The following FGD5 variants were observed in gnomAD, a reference collection of about 807,000 sequenced individuals.
FGD5 encodes the protein FYVE, RhoGEF and PH domain containing 5, also known as FYVE, RhoGEF and PH domain-containing protein 5.
In FGD5, 28 loss-of-function variants were observed where a neutral mutation model predicts 133.4. The observed-to-expected ratio is 0.21, with a 90% CI of 0.16 to 0.29. The LOEUF (loss-of-function observed/expected upper bound fraction) is 0.29, where lower values mean the gene tolerates loss of function less well. Ranked by LOEUF, FGD5 falls within the 10% of genes least tolerant of loss-of-function variation. The probability of loss-of-function intolerance (pLI) is 1.00; values close to 1 mark genes in which losing one functional copy is unlikely to be tolerated. For missense variants in FGD5, 1,858 were observed against 1,895.2 expected (o/e 0.98, Z 0.36); for synonymous variants, 810 against 776.5 (o/e 1.04, Z -0.72).
chr3:14,928,218 C>T (rs1455936966), intron 18 of FGD5, among the ~76,000 whole-genome samples: 1 of 148,630 alleles, frequency 6.7e-6, no homozygotes, highest in South Asian at 2.2e-4. Context: ...GGATTACAGG[C>T]GTGAGCCACC....
intron 10 of FGD5, 63 bp downstream of exon 10, chr3:14,907,774 TG>T: frequency 2.6e-6 from 4 of 1,531,586 alleles, no homozygotes; most frequent in Non-Finnish European, 2.7e-6. Context: ...TAAGCCCCAT[TG>T]TTCACTGGGC....
chr3:14,849,264 C>G (rs572917592), intron 1 of FGD5, among the ~76,000 whole-genome samples: 3 of 152,344 alleles, frequency 2.0e-5, no homozygotes, highest in African/African-American at 7.2e-5. Context: ...CCCACCTGCC[C>G]TACAGGTGCT....
chr3:14,845,591 C>T (rs190525690), intron 1 of FGD5, among the ~76,000 whole-genome samples: 3 of 152,246 alleles, frequency 2.0e-5, no homozygotes, highest in South Asian at 2.1e-4. Context: ...TAGCAAGACT[C>T]CATCTACTGA....
At chr3:14,827,362 C>T (rs770366949) in intron 1 of FGD5, among the ~76,000 whole-genome samples, 1 of 149,286 alleles carries the variant, frequency 6.7e-6, no homozygotes, top group Non-Finnish European at 1.5e-5. Context: ...GATCTCGGCT[C>T]ACTGCAAGCT....
chr3:14,873,418 G>A (rs142566550), intron 2 of FGD5, among the ~76,000 whole-genome samples: 189 of 152,320 alleles, frequency 1.2e-3, no homozygotes, highest in African/African-American at 4.0e-3. Context: ...AGAGCAGGAC[G>A]TAGTTAAGTA....
intron 4 of FGD5, among the ~76,000 whole-genome samples, chr3:14,894,076 T>G (rs1385704547): frequency 1.3e-5 from 2 of 152,108 alleles, no homozygotes; most frequent in Non-Finnish European, 2.9e-5. Context: ...TTTATCACAA[T>G]GTATATCTGC....
chr3:14,834,369 T>C (rs2036774837), intron 1 of FGD5, among the ~76,000 whole-genome samples: 1 of 152,220 alleles, frequency 6.6e-6, no homozygotes, highest in South Asian at 2.1e-4. Context: ...GAAATGACAC[T>C]AGATAGCTAC....
rs968475151 is a variant in FGD5, at chr3:14,925,187, G to T, written c.4069-883G>T. On this transcript the variant is annotated intron_variant, in intron 17 of 19. Coordinates refer to ENST00000285046, the MANE Select transcript of FGD5 (RefSeq NM_152536.4). ...TACAAAACAGCACATATGATGAAAA[G>T]TGAGTTTCTCATCCTTCCCAGCCTC... Among the ~76,000 whole-genome samples the T allele has an allele frequency of 3.4e-5, 5 of 148,956 alleles. No homozygotes were observed. In the East Asian group the frequency reaches 9.9e-4, roughly 29 times the overall value.
At chr3:14,841,436 C>G (rs1575201090) in intron 1 of FGD5, among the ~76,000 whole-genome samples, 1 of 152,040 alleles carries the variant, frequency 6.6e-6, no homozygotes, top group East Asian at 1.9e-4. Context: ...GCTGCCCTGT[C>G]CTGGTTTGTA....
intron 2 of FGD5, among the ~76,000 whole-genome samples, chr3:14,866,762 G>T (rs545447076): frequency 6.6e-5 from 10 of 152,212 alleles, no homozygotes; most frequent in Non-Finnish European, 1.2e-4. Flanking sequence ...AAGTTCAGCC[G>T]GGACTCAGCA....
intron 4 of FGD5, among the ~76,000 whole-genome samples, chr3:14,886,226 C>A (rs557821820): frequency 6.6e-6 from 1 of 152,304 alleles, no homozygotes; most frequent in Non-Finnish European, 1.5e-5. Context: ...AGCAACAGGT[C>A]ATGTCTCCCA....
chr3:14,923,790 G>A (rs1220028175), intron 16 of FGD5, among the ~76,000 whole-genome samples: 1 of 152,194 alleles, frequency 6.6e-6, no homozygotes, highest in Non-Finnish European at 1.5e-5. Context: ...GCCTGGAGGT[G>A]AAGGGCTGTC....
chr3:14,839,463 C>G lies in FGD5; in HGVS notation c.2525+17867C>G, dbSNP rs148153957. On this transcript the variant is annotated intron_variant, in intron 1 of 19. Coordinates refer to ENST00000285046, the MANE Select transcript of FGD5 (RefSeq NM_152536.4). ...CCTCCCCCTTTGGAATGACTCTCACCTCCCCAAGATAATCTGATTAACTAC... is the reference window on the plus strand; with the variant it reads ...CCTCCCCCTTTGGAATGACTCTCACGTCCCCAAGATAATCTGATTAACTAC... Among the ~76,000 whole-genome samples the G allele has an allele frequency of 1.6e-3, 240 of 152,272 alleles. 1 individual carries two copies. Among genetic ancestry groups the G allele is most frequent in the African/African-American group, 5.6e-3 (233 of 41,552 alleles).
At chr3:14,894,046 C>T (rs989433838) in intron 4 of FGD5, among the ~76,000 whole-genome samples, 1 of 152,162 alleles carries the variant, frequency 6.6e-6, no homozygotes, top group Non-Finnish European at 1.5e-5. Context: ...GTGTGAACCA[C>T]TGTGGCCGGC....
intron 1 of FGD5, among the ~76,000 whole-genome samples, chr3:14,839,848 G>A (rs578058720): frequency 1.3e-3 from 191 of 152,194 alleles, no homozygotes; most frequent in African/African-American, 4.1e-3. Context: ...CAGGAGAATC[G>A]CATGAACCTG....
In FGD5 at chr3:14,917,186, G is replaced by C. The variant is rs2038573208; in HGVS notation, c.3406-63G>C. 1 of 1,466,010 alleles carries C rather than the reference G, an allele frequency of 6.8e-7. No homozygotes were observed. The highest frequency in any genetic ancestry group is 1.4e-5 in the African/African-American group (1 of 71,768). The allele number at this position is 1,466,010 out of a possible 1,614,324, so 90.8% of individuals were successfully genotyped here. On this transcript the variant is annotated intron_variant, in intron 11 of 19. Transcript: ENST00000285046. The surrounding 1 kb of genome is among the most constrained non-coding windows in gnomAD (Gnocchi z 4.1). ...ACAGCGGAGCTCAGGGATCCTTTGA[G>C]GACAGAAGCCTGGCGCAGCCTTCTG...
At position 14,843,324 on chromosome 3, in the gene FGD5, G is replaced by C. The variant is rs552501801; in HGVS notation, c.2526-20804G>C. ...CTGCAGCTTGGAGAGCATCCTCTGC[G>C]TGTGGCAAGAGTGGGTTTTTAGCTC... On this transcript the variant is annotated intron_variant, in intron 1 of 19. Coordinates refer to ENST00000285046, the MANE Select transcript of FGD5 (RefSeq NM_152536.4). Among the ~76,000 whole-genome samples, 12 of 152,254 alleles carry C rather than the reference G, an allele frequency of 7.9e-5. No individual in the cohort carries two copies. In the South Asian group the frequency reaches 2.5e-3, roughly 32 times the overall value.
chr3:14,821,693 G>C (rs2036507605), intron 1 of FGD5, 97 bp downstream of exon 1: 2 of 1,430,018 alleles, frequency 1.4e-6, no homozygotes, highest in Non-Finnish European at 1.8e-6. Context: ...TCCAGCCTCA[G>C]GCTCTGTTTC....
At chr3:14,868,113 A>G (rs931022949) in intron 2 of FGD5, among the ~76,000 whole-genome samples, 2 of 152,156 alleles carry the variant, frequency 1.3e-5, no homozygotes, top group African/African-American at 4.8e-5. Context: ...AGAGAAGGAA[A>G]GCAAGAAAGA....
Sources: allele counts gnomAD v4.1 joint callset (sites outside exome capture counted in the v4.1 genomes callset), GRCh38; gene constraint gnomAD v4.1.1; non-coding constraint Gnocchi (gnomAD v3.1); transcripts MANE v1.5; gene names NCBI Gene and HGNC (gene_info 2026-07-23, HGNC 2026-07-21).